Variants in ATP13A3 observed in about 807,000 individuals in gnomAD.
The protein encoded by ATP13A3 is ATPase 13A3, also known as polyamine-transporting ATPase 13A3.
In ATP13A3, 59 loss-of-function variants were observed where a neutral mutation model predicts 158.1. The ratio of observed to expected loss-of-function variants is 0.37; its 90% confidence interval spans 0.30 to 0.46. The LOEUF (loss-of-function observed/expected upper bound fraction) is 0.46. Ranked by LOEUF, ATP13A3 falls within the 20% of genes least tolerant of loss-of-function variation. The pLI, the probability that ATP13A3 is intolerant of heterozygous loss-of-function variation, is 1.00. For synonymous variants in ATP13A3, 491 were observed against 504.3 expected, an observed-to-expected ratio of 0.97 and a Z score of 0.35; for missense variants, 1,166 against 1,525.2, an observed-to-expected ratio of 0.76 and a Z score of 3.92.
chr3:194,458,159 C>T (rs550391796), intron 6 of ATP13A3, among the ~76,000 whole-genome samples: 27 of 152,044 alleles, frequency 1.8e-4, no homozygotes, highest in Non-Finnish European at 1.9e-4. Context: ...TACTTAATTC[C>T]AATCCTTTTC....
At chr3:194,412,427 T>C (rs1295793141) in intron 32 of ATP13A3, 139 bp from the exon 33 acceptor site, 3 of 644,970 alleles carry the variant, frequency 4.7e-6, no homozygotes, top group African/African-American at 3.6e-5. Flanking sequence ...TTTCAGTTAA[T>C]ACTGCCAAAT....
At chr3:194,451,736 A>G (rs1046661871) in intron 10 of ATP13A3, 1 of 152,370 alleles carries the variant, frequency 6.6e-6, no homozygotes, top group African/African-American at 2.4e-5. Flanking sequence ...TTACCTCTTC[A>G]ACATCTTGCC....
At chr3:194,473,486 G>GAA (rs10699324) in intron 2 of ATP13A3, among the ~76,000 whole-genome samples, 36,183 of 143,324 alleles carry the variant, frequency 0.25, 5,370 homozygotes, top group African/African-American at 0.43. Flanking sequence ...TTAAATTGGT[G>GAA]AAAAAAAAAA....
At position 194,448,403 on chromosome 3, in the gene ATP13A3, A is replaced by G. The variant is rs2108899922; in HGVS notation, c.1150+54T>C. On this transcript the variant is annotated intron_variant, in intron 12 of 33. Coordinates refer to ENST00000645319, the MANE Select transcript of ATP13A3 (RefSeq NM_001367549.1). This position sits in a 1 kb window ranked among gnomAD's most constrained non-coding sequence, Gnocchi z 4.0. ...CAGAATCTCTTTTTAAACATTTAGT[A>G]GGTATCAAATATGCTGAAACATGCA... The G allele has an allele frequency of 6.4e-7, 1 of 1,562,716 alleles. No individual in the cohort carries two copies. The highest frequency in any genetic ancestry group is 1.1e-5 in the South Asian group (1 of 88,986).
intron 2 of ATP13A3, among the ~76,000 whole-genome samples, chr3:194,469,066 G>A (rs924337243): frequency 6.6e-6 from 1 of 151,732 alleles, no homozygotes; most frequent in African/African-American, 2.4e-5. Flanking sequence ...CCTGGAGGTG[G>A]AGGTTGCAGT....
At chr3:194,453,510 G>A (rs1367602118) in intron 10 of ATP13A3, among the ~76,000 whole-genome samples, 196 bp downstream of exon 10, 1 of 152,072 alleles carries the variant, frequency 6.6e-6, no homozygotes, top group East Asian at 1.9e-4. Flanking sequence ...AAAGTGGGAG[G>A]ATTACTTGAG....
At chr3:194,462,367 G>A (rs1247049155) in intron 2 of ATP13A3, 131 bp from the exon 3 acceptor site, 1 of 600,898 alleles carries the variant, frequency 1.7e-6, no homozygotes, top group East Asian at 2.8e-5. Flanking sequence ...TAGGAACAGG[G>A]CCACACAGTA....
rs372689171 is a variant in ATP13A3 at position 194,466,157 on chromosome 3, G to C, written c.-46-3921C>G. On this transcript the variant is annotated intron_variant, in intron 2 of 33. Coordinates refer to ENST00000645319, the MANE Select transcript of ATP13A3 (RefSeq NM_001367549.1). Reference sequence around the variant, plus strand: ...AATTCCAGTATCTGAGAGAAGAAAGGTCATGACCTCAGCTTCCACCTTAAG... The same window carrying C: ...AATTCCAGTATCTGAGAGAAGAAAGCTCATGACCTCAGCTTCCACCTTAAG... Among the ~76,000 whole-genome samples, 7 of 152,140 alleles carry C rather than the reference G, an allele frequency of 4.6e-5. No homozygotes were observed. In the South Asian group the frequency reaches 1.5e-3, roughly 32 times the overall value.
chr3:194,463,348 G>A (rs570934706), intron 2 of ATP13A3, among the ~76,000 whole-genome samples: 1 of 143,340 alleles, frequency 7.0e-6, no homozygotes, highest in Admixed American at 7.0e-5. Flanking sequence ...AAAGAAATTT[G>A]CAAGATGTAA....
chr3:194,448,666 A>C lies in ATP13A3; in HGVS notation c.971-30T>G, dbSNP rs372821751. The stretch of plus-strand genomic sequence containing the variant: ...AAAAAACAACAACAACAACAAAAAC[A>C]GTTTACAAATTATTAAACGAAAGCA... On this transcript the variant is annotated intron_variant, in intron 11 of 33. Coordinates refer to ENST00000645319, the MANE Select transcript of ATP13A3 (RefSeq NM_001367549.1). This position sits in a 1 kb window ranked among gnomAD's most constrained non-coding sequence, Gnocchi z 4.0. The C allele has an allele frequency of 6.3e-6, 10 of 1,587,164 alleles. No individual in the cohort carries two copies. Among genetic ancestry groups the C allele is most frequent in the African/African-American group, 2.7e-5 (2 of 73,384 alleles).
intron 24 of ATP13A3, 48 bp from the exon 25 acceptor site, chr3:194,430,363 A>C: frequency 6.4e-7 from 1 of 1,564,976 alleles, no homozygotes; most frequent in African/African-American, 1.4e-5. Flanking sequence ...CTTAAACTAC[A>C]AAACATTTAA....
rs1331321904 is a variant in ATP13A3, at chr3:194,459,631, T to A, written c.409-90A>T. 7 of 1,139,386 alleles carry A rather than the reference T, an allele frequency of 6.1e-6. No homozygotes were observed. The African/African-American group carries it at 9.5e-5, about 15-fold the overall frequency. 70.6% of individuals were successfully genotyped at this position (1,139,386 alleles called of 1,614,324 possible). On this transcript the variant is annotated intron_variant, in intron 5 of 33. Coordinates refer to ENST00000645319, the MANE Select transcript of ATP13A3 (RefSeq NM_001367549.1). ...CTTCTATTAACAGCTATATATAGGA[T>A]TATATATAGCATTATATATAGTAAT...
Position 194,405,507 on chromosome 3 carries a change from A to G in ATP13A3, c.*412T>C, listed in dbSNP as rs1053836332. 1 of 160,872 alleles carries G rather than the reference A, an allele frequency of 6.2e-6. No homozygotes were observed. The highest frequency in any genetic ancestry group is 1.4e-5 in the Non-Finnish European group (1 of 73,432). 10.0% of individuals were successfully genotyped at this position (160,872 alleles called of 1,614,324 possible). A position where few individuals can be genotyped will look rare whatever the true frequency, so the allele number is the denominator to read the frequency against. On this transcript the variant is annotated 3_prime_UTR_variant, in exon 34 of 34. Coordinates refer to ENST00000645319, the MANE Select transcript of ATP13A3 (RefSeq NM_001367549.1). ...TTCTTTTTATCAATCACAAACTTAC[A>G]GCCTGTATATAAACACAGACTTTTC...
intron 16 of ATP13A3, among the ~76,000 whole-genome samples, chr3:194,440,534 G>A (rs374440572): frequency 3.3e-5 from 5 of 152,262 alleles, no homozygotes; most frequent in South Asian, 2.1e-4. Context: ...AAGCCTTCAC[G>A]ATCAGAAACA....
At chr3:194,426,966 T>A in intron 29 of ATP13A3, 109 bp downstream of exon 29, 1 of 1,178,598 alleles carries the variant, frequency 8.5e-7, no homozygotes, top group Non-Finnish European at 1.2e-6. Flanking sequence ...ACTACAGGTG[T>A]GAGCCACCGC....
chr3:194,488,572 T>C (rs575497753), upstream of ATP13A3: 16 of 152,524 alleles, frequency 1.0e-4, no homozygotes, highest in African/African-American at 3.8e-4. The surrounding 1 kb of genome is among the most constrained non-coding windows in gnomAD (Gnocchi z 4.1). Flanking sequence ...GAGCAACTCA[T>C]GACTTTCATT....
chr3:194,484,414 T>C (rs1321370670), intron 2 of ATP13A3, among the ~76,000 whole-genome samples: 1 of 152,160 alleles, frequency 6.6e-6, no homozygotes, highest in Non-Finnish European at 1.5e-5. Context: ...GTAACTACTG[T>C]GAATATGAGG....
intron 2 of ATP13A3, among the ~76,000 whole-genome samples, chr3:194,462,700 A>C (rs556922682): frequency 6.6e-6 from 1 of 152,302 alleles, no homozygotes; most frequent in South Asian, 2.1e-4. Context: ...ATTCTTCCAA[A>C]GTAGTGATGT....
intron 16 of ATP13A3, among the ~76,000 whole-genome samples, chr3:194,439,622 CT>C (rs781299656): frequency 2.6e-5 from 4 of 152,080 alleles, no homozygotes; most frequent in Non-Finnish European, 5.9e-5. Flanking sequence ...TCTAAGACAC[CT>C]TTTTTCGTAT....
Sources: allele counts gnomAD v4.1 joint callset (sites outside exome capture counted in the v4.1 genomes callset), GRCh38; gene constraint gnomAD v4.1.1; non-coding constraint Gnocchi (gnomAD v3.1); transcripts MANE v1.5; gene names NCBI Gene and HGNC (gene_info 2026-07-23, HGNC 2026-07-21).